The following PTPRM variants were observed in gnomAD, a reference collection of about 807,000 sequenced individuals.
PTPRM encodes protein tyrosine phosphatase receptor type M, also known as receptor-type tyrosine-protein phosphatase mu.
In PTPRM, 47 loss-of-function variants were observed where a neutral mutation model predicts 186.7. That is an observed-to-expected ratio of 0.25 (90% CI 0.20 to 0.32). PTPRM has a LOEUF of 0.32. Among genes scored for constraint, PTPRM ranks in the 10% least tolerant of loss-of-function variants. The pLI is 1.00. For synonymous variants in PTPRM, 668 were observed against 674.9 expected, an observed-to-expected ratio of 0.99 and a Z score of 0.16; for missense variants, 1,494 against 1,865.0, an observed-to-expected ratio of 0.80 and a Z score of 3.66.
chr18:7,817,773 G>T (rs1305633386), intron 2 of PTPRM, among the ~76,000 whole-genome samples: 1 of 152,192 alleles, frequency 6.6e-6, no homozygotes, highest in Non-Finnish European at 1.5e-5. Flanking sequence ...TGCACCATGT[G>T]ATTCTCAGAA....
intron 1 of PTPRM, among the ~76,000 whole-genome samples, chr18:7,579,195 G>A (rs35243152): frequency 0.097 from 14,742 of 152,108 alleles, 875 homozygotes; most frequent in East Asian, 0.21. Context: ...AGCACTGCTC[G>A]GTGCCATGGA....
At chr18:8,248,106 T>C in intron 16 of PTPRM, 44 bp from the exon 17 acceptor site, 1 of 1,515,614 alleles carries the variant, frequency 6.6e-7, no homozygotes, top group Non-Finnish European at 9.2e-7. Flanking sequence ...CTGTTCTTTC[T>C]CTTTTTACTT....
At chr18:8,152,003 C>T (rs1262596726) in intron 14 of PTPRM, among the ~76,000 whole-genome samples, 1 of 152,140 alleles carries the variant, frequency 6.6e-6, no homozygotes, top group Non-Finnish European at 1.5e-5. Context: ...CCAACCAGTC[C>T]CAATTTGATG....
intron 20 of PTPRM, among the ~76,000 whole-genome samples, chr18:8,306,196 A>G (rs2095220127): frequency 6.6e-6 from 1 of 151,760 alleles, no homozygotes; most frequent in African/African-American, 2.4e-5. Context: ...TGCGCCTGGC[A>G]GCGTAATTTT....
At chr18:7,645,543 T>C (rs1180455811) in intron 1 of PTPRM, among the ~76,000 whole-genome samples, 1 of 152,168 alleles carries the variant, frequency 6.6e-6, no homozygotes, top group Non-Finnish European at 1.5e-5. Context: ...AAATGGGCCT[T>C]GGTTGTTGCA....
At chr18:8,250,048 G>A (rs1230926251) in intron 17 of PTPRM, among the ~76,000 whole-genome samples, 1 of 152,144 alleles carries the variant, frequency 6.6e-6, no homozygotes, top group Non-Finnish European at 1.5e-5. Flanking sequence ...CAGTTTTGGG[G>A]GATAGTAGCA....
chr18:7,578,878 C>T (rs73385360), intron 1 of PTPRM, among the ~76,000 whole-genome samples: 3,942 of 152,160 alleles, frequency 0.026, 170 homozygotes, highest in African/African-American at 0.089. Context: ...CAGAATAAGA[C>T]GGGTCCATCA....
Position 8,296,368 on chromosome 18 carries a change from A to G in PTPRM, c.2755A>G (p.Ser919Gly), listed in dbSNP as rs765814304. ...EGYGFKEEYE[S>G]FFEGQSAPWD... ...ATTCTCAGTCTCACTTTCCTTCTAG[A>G]GCTTCTTTGAAGGGCAGTCTGCACC... is the stretch of plus-strand genomic sequence containing the variant. Residue 919 changes from serine to glycine, a missense_variant and splice_region_variant, in exon 20 of 33, where the codon AGC becomes GGC. This residue lies in a region of PTPRM where 1,107 missense variants were observed against 1,350.2 expected (regional missense o/e 0.82). Coordinates refer to ENST00000580170, the MANE Select transcript of PTPRM (RefSeq NM_001105244.2). 1.3e-6 allele frequency: 2 copies of G among 1,595,094 alleles called. No homozygotes were observed. Among genetic ancestry groups the G allele is most frequent in the Non-Finnish European group, 1.7e-6 (2 of 1,162,858 alleles).
At position 7,832,927 on chromosome 18, in the gene PTPRM, G is replaced by A. The variant is rs149258122; in HGVS notation, c.197-55179G>A. Among the ~76,000 whole-genome samples the A allele has an allele frequency of 3.7e-3, 563 of 152,204 alleles. 3 individuals carry two copies. Among genetic ancestry groups the A allele is most frequent in the Middle Eastern group, 0.017 (5 of 294 alleles). ...CACCTTTGTCAAAAATGAGTATACTGTAGGTCTGTGGATTTGTTTCTGGGT... is the reference window on the plus strand; with the variant it reads ...CACCTTTGTCAAAAATGAGTATACTATAGGTCTGTGGATTTGTTTCTGGGT... On this transcript the variant is annotated intron_variant, in intron 2 of 32. Coordinates refer to ENST00000580170, the MANE Select transcript of PTPRM (RefSeq NM_001105244.2).
rs62090931 is a variant in PTPRM, at chr18:7,854,757, A to G, written c.197-33349A>G. 1.2e-3 allele frequency among the ~76,000 whole-genome samples: 169 copies of G among 146,208 alleles called. 1 individual carries two copies. The highest frequency in any genetic ancestry group is 2.7e-3 in the Admixed American group (40 of 14,722). ...TTTTTTTTTTTTTTTTTTACAACTGATATATGTTTTTAAAAATGGATTTTT... is the reference window on the plus strand; with the variant it reads ...TTTTTTTTTTTTTTTTTTACAACTGGTATATGTTTTTAAAAATGGATTTTT... On this transcript the variant is annotated intron_variant, in intron 2 of 32. Transcript: ENST00000580170.
At chr18:8,007,851 G>A (rs1368068027) in intron 7 of PTPRM, among the ~76,000 whole-genome samples, 1 of 152,028 alleles carries the variant, frequency 6.6e-6, no homozygotes, top group Non-Finnish European at 1.5e-5. Context: ...CATTGCAATT[G>A]TTTCTGGTGG....
chr18:7,696,430 A>G (rs1353863576), intron 1 of PTPRM, among the ~76,000 whole-genome samples: 3 of 152,250 alleles, frequency 2.0e-5, no homozygotes, highest in Non-Finnish European at 4.4e-5. Flanking sequence ...TTGTATTTAT[A>G]TCACAGATAA....
chr18:8,048,924 T>C (rs1051861920), intron 7 of PTPRM, among the ~76,000 whole-genome samples: 2 of 152,164 alleles, frequency 1.3e-5, no homozygotes, highest in African/African-American at 4.8e-5. Flanking sequence ...TTGCCCTGGG[T>C]AAAATATCAG....
At chr18:7,786,295 G>A (rs1378241715) in intron 2 of PTPRM, among the ~76,000 whole-genome samples, 1 of 152,194 alleles carries the variant, frequency 6.6e-6, no homozygotes, top group Non-Finnish European at 1.5e-5. Context: ...ATTAGTAAGT[G>A]TCTAATTGGA....
chr18:8,171,418 C>T (rs895776437), intron 14 of PTPRM, among the ~76,000 whole-genome samples: 1 of 152,074 alleles, frequency 6.6e-6, no homozygotes, highest in Admixed American at 6.6e-5. Context: ...AATATTGAAC[C>T]AGATGCCACT....
At chr18:7,570,322 T>C (rs1195206396) in intron 1 of PTPRM, among the ~76,000 whole-genome samples, 1 of 152,226 alleles carries the variant, frequency 6.6e-6, no homozygotes, top group Non-Finnish European at 1.5e-5. Context: ...CTTTTTTATG[T>C]TTCTTCCAGA....
At chr18:7,899,069 CAT>C (rs766056080) in intron 3 of PTPRM, among the ~76,000 whole-genome samples, 13 of 152,326 alleles carry the variant, frequency 8.5e-5, no homozygotes, top group Admixed American at 6.5e-4. Context: ...GCGCTTCTAA[CAT>C]GTGTATTTTT....
chr18:7,581,985 A>G (rs1303129951), intron 1 of PTPRM, among the ~76,000 whole-genome samples: 1 of 152,152 alleles, frequency 6.6e-6, no homozygotes, highest in Non-Finnish European at 1.5e-5. Flanking sequence ...TAAAGCATCA[A>G]AATCTTTTGG....
chr18:7,782,903 C>T (rs192601598), intron 2 of PTPRM, among the ~76,000 whole-genome samples: 1 of 152,234 alleles, frequency 6.6e-6, no homozygotes, highest in Non-Finnish European at 1.5e-5. Flanking sequence ...AAATGTTTTC[C>T]TTTAAATTTG....
Sources: allele counts gnomAD v4.1 joint callset (sites outside exome capture counted in the v4.1 genomes callset), GRCh38; gene constraint gnomAD v4.1.1; regional missense constraint gnomAD v4.1.1; transcripts MANE v1.5; gene names NCBI Gene and HGNC (gene_info 2026-07-23, HGNC 2026-07-21).